Variants in PAAF1 observed in about 807,000 individuals in gnomAD.
The protein encoded by PAAF1 is proteasomal ATPase associated factor 1.
A neutral mutation model predicts 52.8 loss-of-function variants in PAAF1; 46 were observed. The ratio of observed to expected loss-of-function variants is 0.87; its 90% CI spans 0.69 to 1.11. The LOEUF is 1.11. Ranked by LOEUF, PAAF1 falls within the 50% of genes most tolerant of loss-of-function variation. PAAF1 has a pLI of 0.00. For synonymous variants in PAAF1, 178 were observed against 172.8 expected, an observed-to-expected ratio of 1.03 and a Z score of -0.24; for missense variants, 424 against 477.4, an observed-to-expected ratio of 0.89 and a Z score of 1.04.
intron 6 of PAAF1, among the ~76,000 whole-genome samples, chr11:73,905,309 C>T (rs764136930): frequency 2.3e-4 from 35 of 151,930 alleles, no homozygotes; most frequent in Non-Finnish European, 3.8e-4. Flanking sequence ...GTGCAACCTC[C>T]GCCTCCTGGG....
At chr11:73,918,368 T>G (rs1287235410) in intron 9 of PAAF1, among the ~76,000 whole-genome samples, 1 of 143,048 alleles carries the variant, frequency 7.0e-6, no homozygotes, top group African/African-American at 2.7e-5. Context: ...TTTTTTTTTT[T>G]TTTTTTTTTT....
intron 10 of PAAF1, 92 bp downstream of exon 10, chr11:73,919,124 C>A: frequency 9.5e-7 from 1 of 1,052,632 alleles, no homozygotes; most frequent in Non-Finnish European, 1.4e-6. Context: ...TGGGTTGGGG[C>A]ATGGTCCCCC....
chr11:73,922,128 A>C, intron 10 of PAAF1: 1 of 930,024 alleles, frequency 1.1e-6, no homozygotes, highest in Non-Finnish European at 1.7e-6. Context: ...TCTGATAGGT[A>C]ACAGTGCCAT....
At chr11:73,922,876 TTTGA>T (rs1460189604) in intron 10 of PAAF1, among the ~76,000 whole-genome samples, 1 of 151,494 alleles carries the variant, frequency 6.6e-6, no homozygotes, top group Non-Finnish European at 1.5e-5. Context: ...TTTGGAACTC[TTTGA>T]TTATTAGTGA....
At chr11:73,921,571 T>C in intron 10 of PAAF1, 2 of 568,502 alleles carry the variant, frequency 3.5e-6, no homozygotes, top group Admixed American at 4.6e-5. Flanking sequence ...TGTATAAAAC[T>C]TTATGAAATA....
rs145438242 is a variant in PAAF1 at position 73,927,680 on chromosome 11, AG to A, written c.*319del. On this transcript the variant is annotated 3_prime_UTR_variant, in exon 12 of 12. Coordinates refer to ENST00000310571, the MANE Select transcript of PAAF1 (RefSeq NM_025155.3). ...TTTGTTAAATGTTTACAAGGACCTC[AG>A]TACTAAAGCCTGTTCTCTGGAGGAA... The A allele has an allele frequency of 5.3e-3, 1,935 of 362,324 alleles. 37 individuals are homozygous for A. Among genetic ancestry groups the A allele is most frequent in the African/African-American group, 0.034 (1,667 of 48,562 alleles). The allele number at this position is 362,324 out of a possible 1,614,324, so 22.4% of individuals were successfully genotyped here.
In PAAF1 at chr11:73,887,348, A is replaced by G. The variant is rs753155466; in HGVS notation, c.89-6A>G. 10 of 1,602,910 alleles carry G rather than the reference A, an allele frequency of 6.2e-6. No individual in the cohort carries two copies. The South Asian group carries it at 1.0e-4, about 16-fold the overall frequency. On this transcript the variant is annotated splice_polypyrimidine_tract_variant and splice_region_variant and intron_variant, in intron 2 of 11. Transcript: ENST00000310571. ...TTTTGAGACATGCTTCTTTTGTACC[A>G]TATAGGGAAACCATCTTTGTATGGC... is the stretch of plus-strand genomic sequence containing the variant.
At chr11:73,902,540 A>G (rs1361383131) in intron 6 of PAAF1, among the ~76,000 whole-genome samples, 3 of 152,212 alleles carry the variant, frequency 2.0e-5, no homozygotes, top group Non-Finnish European at 4.4e-5. Context: ...CAAGATGCAT[A>G]TTCAACATCA....
At chr11:73,877,195 G>T in intron 1 of PAAF1, 127 bp downstream of exon 1, 1 of 1,000,702 alleles carries the variant, frequency 1.0e-6, no homozygotes, top group Non-Finnish European at 1.4e-6. Context: ...GATATGGAGG[G>T]AACAGGGTCC....
At chr11:73,896,357 G>T (rs1252447578) in intron 4 of PAAF1, among the ~76,000 whole-genome samples, 2 of 146,948 alleles carry the variant, frequency 1.4e-5, no homozygotes, top group African/African-American at 5.1e-5. Context: ...GGGGGATTTG[G>T]CAGGGTCACA....
rs550229985 is a variant in PAAF1, at chr11:73,901,605, AT to A, written c.532+1200del. Among the ~76,000 whole-genome samples, 1,068 of 141,668 alleles carry A rather than the reference AT, an allele frequency of 7.5e-3. 4 individuals carry two copies. Among genetic ancestry groups the A allele is most frequent in the African/African-American group, 0.016 (610 of 38,804 alleles). The allele number at this position is 141,668 out of a possible 152,430, so 92.9% of individuals were successfully genotyped here. ...TTGTGTGTGGAGATCAAGTTTTAAGATTTTTTTTTTTTTTTAAGATGGAGTC... is the reference window on the plus strand; with the variant it reads ...TTGTGTGTGGAGATCAAGTTTTAAGATTTTTTTTTTTTTTAAGATGGAGTC... On this transcript the variant is annotated intron_variant, in intron 6 of 11. Transcript: ENST00000310571.
At chr11:73,888,079 C>A (rs1949109999) in intron 3 of PAAF1, among the ~76,000 whole-genome samples, 1 of 152,092 alleles carries the variant, frequency 6.6e-6, no homozygotes. Flanking sequence ...TTTGATCTAA[C>A]CCAGTATATC....
rs1265518022 is a variant in PAAF1 at position 73,877,030 on chromosome 11, G to C, written c.9G>C (p.Ala3=). MA[A]PLRIQSDWAQ... ...GTGGAGGCGGGGTCGAGATGGCGGC[G>C]CCTTTGAGGATTCAGAGCGACTGGG... The change falls in exon 1 of 12, where the codon GCG becomes GCC. Residue 3 remains alanine (A), a synonymous_variant. Coordinates refer to ENST00000310571, the MANE Select transcript of PAAF1 (RefSeq NM_025155.3). The C allele has an allele frequency of 1.3e-6, 2 of 1,534,118 alleles. No individual in the cohort carries two copies. Among genetic ancestry groups the C allele is most frequent in the African/African-American group, 2.8e-5 (2 of 72,446 alleles).
intron 2 of PAAF1, among the ~76,000 whole-genome samples, chr11:73,882,048 AT>A (rs201679598): frequency 9.3e-4 from 131 of 141,536 alleles, no homozygotes; most frequent in Middle Eastern, 3.6e-3. Context: ...CTAATTTTGT[AT>A]TTTTTTTTTT....
chr11:73,910,989 CA>C (rs59523527), intron 7 of PAAF1, among the ~76,000 whole-genome samples: 22,524 of 69,576 alleles, frequency 0.32, 1,930 homozygotes, highest in African/African-American at 0.45. Flanking sequence ...GACTCTGTCT[CA>C]AAAAAAAAAA....
rs1474125664 is a variant in PAAF1, at chr11:73,929,507, A to G, written c.*2145A>G. ...TTACAAGACTCAAAAAGCGAATGTT[A>G]TTATTTGTTTTATTCCGATAAGGAA... On this transcript the variant is annotated 3_prime_UTR_variant, in exon 12 of 12. Coordinates refer to ENST00000310571, the MANE Select transcript of PAAF1 (RefSeq NM_025155.3). 1 of 152,218 alleles carries G rather than the reference A, an allele frequency of 6.6e-6. No homozygotes were observed. The highest frequency in any genetic ancestry group is 2.4e-5 in the African/African-American group (1 of 41,464). The allele number at this position is 152,218 out of a possible 1,614,324, so 9.4% of individuals were successfully genotyped here. A position where few individuals can be genotyped will look rare whatever the true frequency, so the allele number is the denominator to read the frequency against.
rs772509129 is a variant in PAAF1, at chr11:73,878,835, T to TC, written c.88+16_88+17insC. The TC allele has an allele frequency of 3.7e-5, 60 of 1,611,516 alleles. No homozygotes were observed. The African/African-American group carries it at 6.7e-4, about 18-fold the overall frequency. ...CATCCCCCAGGTAATACCCATGAAT[T>TC]ATATATGCTGTGACTTTAAAGGAGA... is the stretch of plus-strand genomic sequence containing the variant. On this transcript the variant is annotated intron_variant, in intron 2 of 11. Coordinates refer to ENST00000310571, the MANE Select transcript of PAAF1 (RefSeq NM_025155.3).
chr11:73,921,393 CTT>C (rs34598736), intron 10 of PAAF1, among the ~76,000 whole-genome samples: 2 of 145,864 alleles, frequency 1.4e-5, no homozygotes, highest in East Asian at 2.0e-4. Context: ...ACTTTTTGTA[CTT>C]TTTTTTTTTG....
At chr11:73,905,160 T>G (rs1949722934) in intron 6 of PAAF1, among the ~76,000 whole-genome samples, 1 of 152,088 alleles carries the variant, frequency 6.6e-6, no homozygotes, top group Non-Finnish European at 1.5e-5. Context: ...CAGTAAAGCT[T>G]TTTGCAGCTT....
Sources: gnomAD v4.1 joint callset for allele counts (sites outside exome capture counted in the v4.1 genomes callset) on GRCh38, gnomAD v4.1.1 for gene constraint, MANE v1.5 for transcripts, NCBI Gene and HGNC (gene_info 2026-07-23, HGNC 2026-07-21) for gene names.